The following PTPRT variants were observed in gnomAD, a reference collection of about 807,000 sequenced individuals.
The protein encoded by PTPRT is protein tyrosine phosphatase receptor type T.
A neutral mutation model predicts 176.8 loss-of-function variants in PTPRT; 56 were observed. That is an observed-to-expected ratio of 0.32 (90% CI 0.26 to 0.40). PTPRT has a LOEUF of 0.40. Ranked by LOEUF, PTPRT falls within the 10% of genes least tolerant of loss-of-function variation. The probability of loss-of-function intolerance (pLI) is 1.00; values close to 1 mark genes in which losing one functional copy is unlikely to be tolerated. For missense variants in PTPRT, 1,540 were observed against 1,908.2 expected (o/e 0.81, Z 3.60); for synonymous variants, 783 against 739.0 (o/e 1.06, Z -0.96).
chr20:42,443,028 G>C (rs147422822), intron 9 of PTPRT, among the ~76,000 whole-genome samples: 2 of 152,118 alleles, frequency 1.3e-5, no homozygotes, highest in Non-Finnish European at 2.9e-5. Flanking sequence ...CCAAAAGCAG[G>C]GTTCTGGAAG....
At chr20:42,254,348 T>A (rs1427116770) in intron 13 of PTPRT, among the ~76,000 whole-genome samples, 1 of 152,162 alleles carries the variant, frequency 6.6e-6, no homozygotes, top group Non-Finnish European at 1.5e-5. Context: ...AAAAATGCAG[T>A]ATCTTGAGCC....
intron 14 of PTPRT, among the ~76,000 whole-genome samples, chr20:42,241,557 C>A (rs1438947821): frequency 6.6e-6 from 1 of 152,090 alleles, no homozygotes; most frequent in Non-Finnish European, 1.5e-5. Flanking sequence ...CCATCACTGA[C>A]TGGCCAACAC....
intron 9 of PTPRT, among the ~76,000 whole-genome samples, chr20:42,376,852 G>C (rs2058654863): frequency 6.6e-6 from 1 of 152,084 alleles, no homozygotes; most frequent in Non-Finnish European, 1.5e-5. Flanking sequence ...AGTGAATTGG[G>C]GTCAGATTGC....
chr20:42,183,876 T>C (rs1206036479), intron 16 of PTPRT, among the ~76,000 whole-genome samples: 1 of 152,138 alleles, frequency 6.6e-6, no homozygotes, highest in Non-Finnish European at 1.5e-5. Flanking sequence ...TCTCAAACAC[T>C]TGCTCTGGGG....
chr20:42,274,605 AAGG>A lies in PTPRT; in HGVS notation c.2176+7881_2176+7883del, dbSNP rs577379927. On this transcript the variant is annotated intron_variant, in intron 13 of 30. Transcript: ENST00000373187. ...TGTGTGTGTGTGTTAGCCTGCAAAGAAGGAGCTCAGAATGCTGAATGTCTCAGA... is the reference window on the plus strand; with the variant it reads ...TGTGTGTGTGTGTTAGCCTGCAAAGAAGCTCAGAATGCTGAATGTCTCAGA... Among the ~76,000 whole-genome samples, 61 of 135,482 alleles carry A rather than the reference AAGG, an allele frequency of 4.5e-4. 2 individuals carry two copies. The South Asian group carries it at 0.013, about 29-fold the overall frequency. The allele number at this position is 135,482 out of a possible 152,430, so 88.9% of individuals were successfully genotyped here. A position where few individuals can be genotyped will look rare whatever the true frequency, so the allele number is the denominator to read the frequency against.
rs3787282 is a variant in PTPRT at position 42,075,267 on chromosome 20, T to C, written c.*5612A>G. On this transcript the variant is annotated 3_prime_UTR_variant, in exon 31 of 31. Transcript: ENST00000373187. Reference sequence around the variant, plus strand: ...CAGGCTAAGAAGGAGCTCAGACTGTTAAGTAATGGGGAAGCCAAGTCAGGG... The same window carrying C: ...CAGGCTAAGAAGGAGCTCAGACTGTCAAGTAATGGGGAAGCCAAGTCAGGG... The C allele has an allele frequency of 0.02, 4,715 of 235,704 alleles. 102 individuals carry two copies. The highest frequency in any genetic ancestry group is 0.11 in the East Asian group (1,785 of 16,572). 14.6% of individuals were successfully genotyped at this position (235,704 alleles called of 1,614,324 possible).
chr20:42,440,496 TAGAC>T (rs2059303489), intron 9 of PTPRT, among the ~76,000 whole-genome samples: 2 of 151,256 alleles, frequency 1.3e-5, no homozygotes, highest in Non-Finnish European at 1.5e-5. Context: ...TTTTTTTTTT[TAGAC>T]AGAGTCTCGC....
chr20:43,069,780 G>T (rs1030319442), intron 1 of PTPRT, among the ~76,000 whole-genome samples: 1 of 152,110 alleles, frequency 6.6e-6, no homozygotes, highest in Non-Finnish European at 1.5e-5. Context: ...CAGCTTCTTG[G>T]GAGCCGTACT....
At chr20:42,967,164 A>G (rs1982345039) in intron 1 of PTPRT, among the ~76,000 whole-genome samples, 2 of 152,214 alleles carry the variant, frequency 1.3e-5, no homozygotes, top group Non-Finnish European at 2.9e-5. Context: ...GAACTGCTCC[A>G]TCCCTTTGGT....
At chr20:42,448,388 G>T in intron 8 of PTPRT, 59 bp from the exon 9 acceptor site, 1 of 1,339,030 alleles carries the variant, frequency 7.5e-7, no homozygotes, top group Non-Finnish European at 1.1e-6. Flanking sequence ...CTCCAGCCCC[G>T]CTGACCTAGA....
chr20:42,591,217 T>C (rs2073568302), intron 7 of PTPRT, among the ~76,000 whole-genome samples: 2 of 151,976 alleles, frequency 1.3e-5, no homozygotes, highest in African/African-American at 4.8e-5. Context: ...GATTGATAAA[T>C]TTGACTACAT....
At chr20:42,414,946 G>A (rs971062298) in intron 9 of PTPRT, among the ~76,000 whole-genome samples, 2 of 152,180 alleles carry the variant, frequency 1.3e-5, no homozygotes. Context: ...GATAGCGGGA[G>A]ATAGATCTAT....
intron 7 of PTPRT, among the ~76,000 whole-genome samples, chr20:42,599,493 A>G (rs2073737458): frequency 6.6e-6 from 1 of 152,078 alleles, no homozygotes; most frequent in Admixed American, 6.5e-5. Context: ...GCCCAGAGAG[A>G]TGGGGTGCAA....
chr20:42,110,182 G>T, intron 23 of PTPRT, 151 bp downstream of exon 23: 1 of 646,108 alleles, frequency 1.5e-6, no homozygotes, highest in Non-Finnish European at 2.3e-6. Flanking sequence ...AGGTAGCTGG[G>T]ATTACAGATG....
intron 7 of PTPRT, among the ~76,000 whole-genome samples, chr20:42,653,753 G>A (rs2075073819): frequency 6.6e-6 from 1 of 152,086 alleles, no homozygotes; most frequent in Non-Finnish European, 1.5e-5. Flanking sequence ...ACTGTCTGTG[G>A]TTTCTCTAAT....
chr20:42,294,204 G>T (rs13040321), intron 12 of PTPRT, among the ~76,000 whole-genome samples: 38,291 of 151,972 alleles, frequency 0.25, 4,918 homozygotes, highest in African/African-American at 0.29. Context: ...TCTAAAATAC[G>T]TTCCAGAAAG....
intron 7 of PTPRT, among the ~76,000 whole-genome samples, chr20:42,640,330 A>G (rs2074713021): frequency 6.6e-6 from 1 of 152,076 alleles, no homozygotes; most frequent in Non-Finnish European, 1.5e-5. Context: ...AGAGTGTAAC[A>G]CTAGTTACCA....
chr20:42,312,822 T>A (rs2145361906), intron 12 of PTPRT, among the ~76,000 whole-genome samples: 1 of 129,480 alleles, frequency 7.7e-6, no homozygotes, highest in Non-Finnish European at 1.7e-5. Context: ...TTTTTTTTTT[T>A]TTCCTCTATG....
intron 30 of PTPRT, 93 bp downstream of exon 30, chr20:42,081,789 G>T: frequency 7.5e-6 from 11 of 1,467,106 alleles, no homozygotes; most frequent in Non-Finnish European, 1.0e-5. Context: ...TAGCAGCCAG[G>T]TGTTGAGTGA....
Sources: allele counts gnomAD v4.1 joint callset (sites outside exome capture counted in the v4.1 genomes callset), GRCh38; gene constraint gnomAD v4.1.1; transcripts MANE v1.5; gene names NCBI Gene and HGNC (gene_info 2026-07-23, HGNC 2026-07-21).